The following DLC1 variants were observed in gnomAD, a reference collection of about 807,000 sequenced individuals.
DLC1 encodes DLC1 Rho GTPase activating protein, also known as rho GTPase-activating protein 7.
A neutral mutation model predicts 140.3 loss-of-function variants in DLC1; 54 were observed. The ratio of observed to expected loss-of-function variants is 0.38; its 90% CI spans 0.31 to 0.48. DLC1 has a LOEUF of 0.48. Among genes scored for constraint, DLC1 ranks in the 20% least tolerant of loss-of-function variants. The probability of loss-of-function intolerance (pLI) is 0.96; values close to 1 mark genes in which losing one functional copy is unlikely to be tolerated. For missense variants in DLC1, 2,536 were observed against 1,907.0 expected (o/e 1.33, Z -6.14); for synonymous variants, 986 against 728.1 (o/e 1.35, Z -5.70).
rs1376189310 is a variant in DLC1 at position 13,262,731 on chromosome 8, A to C, written c.1348+42538T>G. Among the ~76,000 whole-genome samples the C allele has an allele frequency of 1.3e-5, 2 of 152,098 alleles. 1 individual carries two copies. Among genetic ancestry groups the C allele is most frequent in the Non-Finnish European group, 2.9e-5 (2 of 68,004 alleles). On this transcript the variant is annotated intron_variant, in intron 5 of 17. Coordinates refer to ENST00000276297, the MANE Select transcript of DLC1 (RefSeq NM_182643.3). ...ATGAGCCACTGCGCCTGGATCATGA[A>C]CCACCATTTTTAAGATAACATTCAA...
chr8:13,374,312 T>A (rs1563294358), intron 4 of DLC1, among the ~76,000 whole-genome samples: 1 of 151,798 alleles, frequency 6.6e-6, no homozygotes, highest in East Asian at 1.9e-4. Flanking sequence ...TCTTTTTTTT[T>A]AATGTATTGA....
At chr8:13,465,152 G>C (rs915854649) in intron 2 of DLC1, among the ~76,000 whole-genome samples, 1 of 152,118 alleles carries the variant, frequency 6.6e-6, no homozygotes, top group Non-Finnish European at 1.5e-5. Flanking sequence ...TCTGTTGTCC[G>C]TGGTCTTTTG....
rs965025517 is a variant in DLC1, at chr8:13,600,317, C to T, written c.-126+4220G>A. 5.9e-5 allele frequency among the ~76,000 whole-genome samples: 9 copies of T among 151,856 alleles called. No homozygotes were observed. In the South Asian group the frequency reaches 1.9e-3, roughly 32 times the overall value. On this transcript the variant is annotated intron_variant, in intron 1 of 1. Transcript: ENST00000631382. ...ATCAAAACTTTAAGTAAGAAGAGAC[C>T]AGTTAATGAATTTCTGGGGGAAATA...
intron 2 of DLC1, among the ~76,000 whole-genome samples, chr8:13,450,971 A>G (rs1032905662): frequency 2.9e-5 from 4 of 136,614 alleles, no homozygotes; most frequent in Non-Finnish European, 6.2e-5. Context: ...ACCGGGAGGC[A>G]GAGGTTGCAG....
At chr8:13,364,062 C>T (rs908968075) in intron 4 of DLC1, among the ~76,000 whole-genome samples, 2 of 151,936 alleles carry the variant, frequency 1.3e-5, no homozygotes, top group African/African-American at 2.4e-5. Context: ...CACGTGCACA[C>T]GCATGCATGT....
intron 5 of DLC1, among the ~76,000 whole-genome samples, chr8:13,165,208 A>C (rs935118722): frequency 2.6e-5 from 4 of 152,206 alleles, no homozygotes; most frequent in African/African-American, 9.6e-5. Context: ...TTCAAATTTC[A>C]CTGGGTGTTT....
chr8:13,599,807 C>T (rs541024624), intron 1 of DLC1, among the ~76,000 whole-genome samples: 1 of 151,702 alleles, frequency 6.6e-6, no homozygotes, highest in Non-Finnish European at 1.5e-5. Context: ...CCTTTAGTAG[C>T]CACAGCAATT....
At chr8:13,443,867 A>G (rs1798657149) in intron 2 of DLC1, among the ~76,000 whole-genome samples, 1 of 152,094 alleles carries the variant, frequency 6.6e-6, no homozygotes, top group African/African-American at 2.4e-5. Flanking sequence ...TCCTAAAACA[A>G]ACGTCACATG....
chr8:13,165,743 G>T (rs1433208528), intron 5 of DLC1, among the ~76,000 whole-genome samples: 1 of 152,122 alleles, frequency 6.6e-6, no homozygotes, highest in East Asian at 1.9e-4. Flanking sequence ...CTGGTGAAAA[G>T]GGCCGACCAC....
At chr8:13,410,234 C>G (rs1323727082) in intron 2 of DLC1, among the ~76,000 whole-genome samples, 1 of 151,984 alleles carries the variant, frequency 6.6e-6, no homozygotes, top group Non-Finnish European at 1.5e-5. Flanking sequence ...AGGCAATGCT[C>G]TTCACCTGAT....
chr8:13,269,694 A>C, intron 5 of DLC1, among the ~76,000 whole-genome samples: 1 of 93,346 alleles, frequency 1.1e-5, no homozygotes. Context: ...ACAAAGCAAA[A>C]CTCTGTCAAA....
intron 1 of DLC1, among the ~76,000 whole-genome samples, chr8:13,597,376 C>T (rs1805718029): frequency 6.6e-6 from 1 of 152,016 alleles, no homozygotes; most frequent in African/African-American, 2.4e-5. Flanking sequence ...AGTTTGCCAT[C>T]TAATCTTTGT....
intron 2 of DLC1, among the ~76,000 whole-genome samples, chr8:13,482,540 T>C (rs1382795216): frequency 1.3e-5 from 2 of 152,206 alleles, no homozygotes; most frequent in Non-Finnish European, 2.9e-5. Context: ...ACTATAGCTA[T>C]AGAAATCATG....
chr8:13,470,006 A>C (rs6994890), intron 2 of DLC1, among the ~76,000 whole-genome samples: 47,906 of 151,938 alleles, frequency 0.32, 7,990 homozygotes, highest in Middle Eastern at 0.43. Context: ...CTCAATTTTT[A>C]TTTCATTTAT....
intron 4 of DLC1, 43 bp from the exon 5 acceptor site, chr8:13,305,345 A>T (rs1423554821): frequency 1.3e-6 from 2 of 1,543,956 alleles, no homozygotes; most frequent in Admixed American, 2.0e-5. Context: ...TTAGGAAGAA[A>T]CATCAGAAAG....
intron 10 of DLC1, chr8:13,095,769 G>C (rs906739290): frequency 9.0e-5 from 14 of 155,406 alleles, no homozygotes; most frequent in African/African-American, 3.1e-4. Context: ...CTGAGTTCTT[G>C]ATGAGATCGA....
intron 5 of DLC1, among the ~76,000 whole-genome samples, chr8:13,163,444 G>A (rs889030919): frequency 2.0e-5 from 3 of 152,114 alleles, no homozygotes; most frequent in Admixed American, 2.0e-4. Context: ...CAGGCATTAA[G>A]GTGGAGAATA....
chr8:13,566,794 G>A (rs1257405819), intron 1 of DLC1: 2 of 684,604 alleles, frequency 2.9e-6, no homozygotes, highest in East Asian at 3.0e-5. Context: ...AGGAAAAGGC[G>A]GGACGCCGCA....
At chr8:13,561,157 C>A (rs1195612110) in intron 1 of DLC1, among the ~76,000 whole-genome samples, 1 of 147,288 alleles carries the variant, frequency 6.8e-6, no homozygotes, top group Non-Finnish European at 1.5e-5. Context: ...ATTGCTCTGT[C>A]TGTCAACCAG....
Sources: allele counts gnomAD v4.1 joint callset (sites outside exome capture counted in the v4.1 genomes callset), GRCh38; gene constraint gnomAD v4.1.1; transcripts MANE v1.5; gene names NCBI Gene and HGNC (gene_info 2026-07-23, HGNC 2026-07-21).